PTPN12: variants seen among roughly 807,000 people sequenced by gnomAD.
PTPN12 encodes protein tyrosine phosphatase non-receptor type 12.
Under a neutral mutation model 97.6 loss-of-function variants are expected in PTPN12, and 29 were observed. The observed-to-expected ratio is 0.30, with a 90% CI of 0.22 to 0.41. PTPN12 has a LOEUF of 0.41. Ranked by LOEUF, PTPN12 falls within the 10% of genes least tolerant of loss-of-function variation. The pLI is 1.00. For synonymous variants in PTPN12, 327 were observed against 300.4 expected (o/e 1.09, Z -0.91); for missense variants, 819 against 926.0 (o/e 0.88, Z 1.50).
intron 14 of PTPN12, among the ~76,000 whole-genome samples, chr7:77,635,211 C>G (rs551193711): frequency 7.9e-5 from 12 of 152,278 alleles, no homozygotes; most frequent in African/African-American, 2.9e-4. Context: ...GATCTCTGTT[C>G]CATTTGCCCT....
intron 1 of PTPN12, among the ~76,000 whole-genome samples, chr7:77,539,791 G>A (rs923449471): frequency 2.0e-5 from 3 of 152,086 alleles, no homozygotes; most frequent in African/African-American, 7.2e-5. Context: ...ACCACGCCCG[G>A]CTAATTTTTG....
chr7:77,559,030 A>G (rs1039570197), intron 1 of PTPN12, among the ~76,000 whole-genome samples: 4 of 152,176 alleles, frequency 2.6e-5, no homozygotes, highest in African/African-American at 9.7e-5. Flanking sequence ...ACAAAAATAA[A>G]AAATAATATG....
At chr7:77,629,313 T>G (rs1789315847) in intron 13 of PTPN12, among the ~76,000 whole-genome samples, 1 of 152,228 alleles carries the variant, frequency 6.6e-6, no homozygotes, top group Non-Finnish European at 1.5e-5. Context: ...ATCTTTGTTT[T>G]ATTTGAAGGA....
chr7:77,559,321 T>C (rs6959936), intron 1 of PTPN12, among the ~76,000 whole-genome samples: 107,291 of 152,134 alleles, frequency 0.71, 38,859 homozygotes, highest in East Asian at 0.9. Flanking sequence ...ACTTTGTATC[T>C]TTTAGCTGTG....
chr7:77,539,231 G>C (rs117356477), intron 1 of PTPN12, among the ~76,000 whole-genome samples: 2,992 of 152,202 alleles, frequency 0.02, 43 homozygotes, highest in Middle Eastern at 0.075. Context: ...GCATCGTTGA[G>C]CTTTGTGATT....
intron 1 of PTPN12, among the ~76,000 whole-genome samples, chr7:77,565,053 G>A (rs1027165765): frequency 1.3e-5 from 2 of 152,066 alleles, no homozygotes; most frequent in African/African-American, 4.8e-5. Flanking sequence ...ACCGCACCCA[G>A]CTGAAACTCG....
chr7:77,586,052 C>T (rs1269324680), intron 5 of PTPN12, among the ~76,000 whole-genome samples: 1 of 152,160 alleles, frequency 6.6e-6, no homozygotes, highest in Non-Finnish European at 1.5e-5. Flanking sequence ...CTCCCAGGTT[C>T]AAGCGACTCT....
chr7:77,579,010 A>C (rs1237570906), intron 2 of PTPN12, among the ~76,000 whole-genome samples: 2 of 152,222 alleles, frequency 1.3e-5, no homozygotes, highest in Non-Finnish European at 2.9e-5. Context: ...TGAGAAGGAC[A>C]CAATATCGTT....
At chr7:77,610,291 T>TAATA (rs1788526539) in intron 9 of PTPN12, among the ~76,000 whole-genome samples, 1 of 152,226 alleles carries the variant, frequency 6.6e-6, no homozygotes, top group Admixed American at 6.5e-5. Context: ...GTCTCTTTAT[T>TAATA]ATGTTCACAG....
chr7:77,611,356 T>C (rs1788563040), intron 11 of PTPN12, among the ~76,000 whole-genome samples: 1 of 152,244 alleles, frequency 6.6e-6, no homozygotes, highest in Non-Finnish European at 1.5e-5. Flanking sequence ...TACTCTTCCC[T>C]TCCACCCCCA....
chr7:77,600,724 T>C lies in PTPN12; in HGVS notation c.613T>C (p.Ser205Pro). ...VNWPDHDVPSSFDSILDMISL... is the reference protein window; with the variant it reads ...VNWPDHDVPSPFDSILDMISL... ...CTGGCCAGACCATGATGTTCCTTCA[T>C]CATTTGATTCTATTCTGGACATGAT... The change falls in exon 8 of 18, where the codon TCA becomes CCA. Residue 205 changes from serine (S) to proline (P), a missense_variant. Around this residue, in one of 5 missense-constraint regions of PTPN12, gnomAD observed 42 missense variants for 120.9 expected, o/e 0.35. Coordinates refer to ENST00000248594, the MANE Select transcript of PTPN12 (RefSeq NM_002835.4). 6.2e-7 allele frequency: 1 copy of C among 1,611,972 alleles called. No individual in the cohort carries two copies. Among genetic ancestry groups the C allele is most frequent in the Non-Finnish European group, 8.5e-7 (1 of 1,178,452 alleles).
chr7:77,581,224 C>T (rs1787507487), intron 2 of PTPN12, among the ~76,000 whole-genome samples: 1 of 152,078 alleles, frequency 6.6e-6, no homozygotes, highest in African/African-American at 2.4e-5. Context: ...TTACAGGTGC[C>T]TGCCAGGTGG....
chr7:77,639,455 AC>A lies in PTPN12; in HGVS notation c.*176del. On this transcript the variant is annotated 3_prime_UTR_variant, in exon 18 of 18. Coordinates refer to ENST00000248594, the MANE Select transcript of PTPN12 (RefSeq NM_002835.4). ...TATACTACACTTAGGAAAAAGTATT[AC>A]ATATGGTTTATTTTGAAACTTCAAG... 1.9e-6 allele frequency: 1 copy of A among 537,178 alleles called. No individual in the cohort carries two copies. Among genetic ancestry groups the A allele is most frequent in the Non-Finnish European group, 3.3e-6 (1 of 305,398 alleles). 33.3% of individuals were successfully genotyped at this position (537,178 alleles called of 1,614,324 possible).
intron 14 of PTPN12, among the ~76,000 whole-genome samples, chr7:77,633,896 G>A (rs993674544): frequency 1.3e-5 from 2 of 150,484 alleles, no homozygotes; most frequent in Admixed American, 6.6e-5. Flanking sequence ...GGTGGTGGGC[G>A]CCTGTAATCC....
chr7:77,541,628 T>G (rs1441516317), intron 1 of PTPN12, among the ~76,000 whole-genome samples: 2 of 152,218 alleles, frequency 1.3e-5, no homozygotes, highest in African/African-American at 4.8e-5. Context: ...TCATAATGTA[T>G]GAGTGTTCAT....
chr7:77,637,944 A>ATTTTTTTTTTTT (rs1421411134), intron 16 of PTPN12, among the ~76,000 whole-genome samples: 3 of 89,500 alleles, frequency 3.4e-5, no homozygotes, highest in Non-Finnish European at 5.8e-5. Flanking sequence ...GATTTCTTAA[A>ATTTTTTTTTTTT]ATTTTTTTTT....
chr7:77,574,719 T>C (rs1050117206), intron 2 of PTPN12, among the ~76,000 whole-genome samples: 2 of 152,220 alleles, frequency 1.3e-5, no homozygotes, highest in Admixed American at 1.3e-4. Flanking sequence ...GTCCAAGAGC[T>C]TGAGTTCTTA....
intron 9 of PTPN12, among the ~76,000 whole-genome samples, chr7:77,609,638 C>G (rs976851898): frequency 1.3e-5 from 2 of 151,336 alleles, no homozygotes; most frequent in East Asian, 4.0e-4. Context: ...CCCAGCACTT[C>G]GGGAAGCCGA....
chr7:77,551,420 T>C (rs946814412), intron 1 of PTPN12, among the ~76,000 whole-genome samples: 23 of 152,212 alleles, frequency 1.5e-4, no homozygotes, highest in African/African-American at 5.5e-4. Flanking sequence ...ACCAACTGAG[T>C]GGCAATTTGT....
Sources: allele counts gnomAD v4.1 joint callset (sites outside exome capture counted in the v4.1 genomes callset), GRCh38; gene constraint gnomAD v4.1.1; regional missense constraint gnomAD v4.1.1; transcripts MANE v1.5; gene names NCBI Gene and HGNC (gene_info 2026-07-23, HGNC 2026-07-21).